The following LINGO2 variants were observed in gnomAD, a reference collection of about 807,000 sequenced individuals.
LINGO2 encodes the protein leucine-rich repeat and immunoglobulin-like domain-containing nogo receptor-interacting protein 2.
A neutral mutation model predicts 30.6 loss-of-function variants in LINGO2; 14 were observed. The observed-to-expected ratio is 0.46, with a 90% CI of 0.30 to 0.72. The LOEUF (loss-of-function observed/expected upper bound fraction) is 0.72. LINGO2 is among the 30% of genes least tolerant of loss of function. LINGO2 has a pLI of 0.07. For synonymous variants in LINGO2, 317 were observed against 288.5 expected (o/e 1.10, Z -1.00); for missense variants, 729 against 751.7 (o/e 0.97, Z 0.35).
the LINGO2 span, among the ~76,000 whole-genome samples, chr9:28,850,760 T>C: frequency 6.6e-6 from 1 of 152,004 alleles, no homozygotes; most frequent in African/African-American, 2.4e-5. Context: ...TAACCTACCC[T>C]ACTCTAATAG....
the LINGO2 span, among the ~76,000 whole-genome samples, chr9:29,155,876 C>T: frequency 6.6e-6 from 1 of 151,884 alleles, no homozygotes; most frequent in African/African-American, 2.4e-5. Flanking sequence ...AATTCATCTC[C>T]GTGATGTTAA....
At chr9:28,990,468 TA>T in the LINGO2 span, among the ~76,000 whole-genome samples, 1 of 152,136 alleles carries the variant, frequency 6.6e-6, no homozygotes, top group Non-Finnish European at 1.5e-5. Flanking sequence ...TCTGCAGACT[TA>T]AATGTCCCTG....
At chr9:28,620,913 C>T (rs967198162) in intron 1 of LINGO2, among the ~76,000 whole-genome samples, 1 of 152,002 alleles carries the variant, frequency 6.6e-6, no homozygotes, top group African/African-American at 2.4e-5. Flanking sequence ...ATAATCTGTA[C>T]AACAAACCCC....
At chr9:28,064,530 C>T (rs752528157) in intron 4 of LINGO2, among the ~76,000 whole-genome samples, 3 of 152,128 alleles carry the variant, frequency 2.0e-5, no homozygotes, top group African/African-American at 7.2e-5. Flanking sequence ...ACGGGACTTT[C>T]TCCAGTAAGT....
chr9:28,172,718 A>G (rs990592169), intron 4 of LINGO2, among the ~76,000 whole-genome samples: 1 of 152,136 alleles, frequency 6.6e-6, no homozygotes, highest in Non-Finnish European at 1.5e-5. Flanking sequence ...CATTGTCCTT[A>G]AGTAAAATTT....
chr9:28,204,334 T>G (rs1478345458), intron 4 of LINGO2, among the ~76,000 whole-genome samples: 2 of 152,224 alleles, frequency 1.3e-5, no homozygotes, highest in Non-Finnish European at 2.9e-5. Context: ...GATTAATTAA[T>G]TACTAATACG....
rs550291400 is a variant in LINGO2 at position 28,183,793 on chromosome 9, T to C, written c.-87+111415A>G. Among the ~76,000 whole-genome samples the C allele has an allele frequency of 2.0e-5, 3 of 152,296 alleles. No individual in the cohort carries two copies. In the East Asian group the frequency reaches 5.8e-4, roughly 29 times the overall value. On this transcript the variant is annotated intron_variant, in intron 4 of 5. Coordinates refer to ENST00000379992, the Ensembl canonical transcript of LINGO2. ...GTAGGCATGAGCTTGTGTAAACATA[T>C]GCTATTTTGGAAGGCCATAGCTAAG...
the LINGO2 span, among the ~76,000 whole-genome samples, chr9:28,894,371 G>A: frequency 2.0e-5 from 3 of 151,796 alleles, no homozygotes; most frequent in Admixed American, 1.3e-4. Context: ...ACAACAATTC[G>A]CTTCAAGCTT....
At chr9:27,978,880 C>T (rs1000611736) in intron 5 of LINGO2, among the ~76,000 whole-genome samples, 3 of 152,116 alleles carry the variant, frequency 2.0e-5, no homozygotes, top group South Asian at 2.1e-4. Context: ...TTTGGACCAT[C>T]GGATTGATAT....
chr9:28,053,444 C>T (rs1436065955), intron 4 of LINGO2, among the ~76,000 whole-genome samples: 5 of 152,006 alleles, frequency 3.3e-5, no homozygotes, highest in Non-Finnish European at 5.9e-5. Context: ...TAATTGTATA[C>T]GAATAAATGG....
chr9:28,009,141 G>GTTT (rs59012553), intron 5 of LINGO2, among the ~76,000 whole-genome samples: 17,334 of 150,130 alleles, frequency 0.12, 1,092 homozygotes, highest in South Asian at 0.2. Flanking sequence ...AAAGGGAAAA[G>GTTT]TTTTTTTTTT....
At chr9:28,903,476 T>C in the LINGO2 span, among the ~76,000 whole-genome samples, 4 of 152,106 alleles carry the variant, frequency 2.6e-5, no homozygotes, top group Non-Finnish European at 5.9e-5. Context: ...CATCCATCCA[T>C]TCATTCATTC....
intron 1 of LINGO2, among the ~76,000 whole-genome samples, chr9:28,611,816 T>A (rs574712878): frequency 1.3e-5 from 2 of 151,252 alleles, no homozygotes; most frequent in South Asian, 4.2e-4. Context: ...TATTTTATTT[T>A]ATTTATTTAT....
the LINGO2 span, among the ~76,000 whole-genome samples, chr9:29,029,904 C>G: frequency 1.3e-5 from 2 of 151,516 alleles, no homozygotes; most frequent in Non-Finnish European, 2.9e-5. Context: ...ACATTCCACG[C>G]TCATTTCACA....
intron 1 of LINGO2, among the ~76,000 whole-genome samples, chr9:28,598,370 A>G (rs1825292427): frequency 6.6e-6 from 1 of 151,756 alleles, no homozygotes; most frequent in African/African-American, 2.4e-5. Flanking sequence ...ATTGTATATC[A>G]ATAAAGGAGT....
At chr9:28,796,983 G>T in the LINGO2 span, among the ~76,000 whole-genome samples, 11 of 151,624 alleles carry the variant, frequency 7.3e-5, no homozygotes, top group African/African-American at 2.2e-4. Context: ...ACATCTTTAT[G>T]TATAAATTAA....
intron 2 of LINGO2, among the ~76,000 whole-genome samples, chr9:28,403,092 G>T (rs1408072643): frequency 6.6e-6 from 1 of 152,124 alleles, no homozygotes; most frequent in Admixed American, 6.5e-5. Context: ...TTGATAATTA[G>T]TCAACTGTAG....
At chr9:28,177,199 C>A (rs1828774184) in intron 4 of LINGO2, among the ~76,000 whole-genome samples, 1 of 152,064 alleles carries the variant, frequency 6.6e-6, no homozygotes. Context: ...TGGATAAAAT[C>A]ATAGATGGCT....
intron 4 of LINGO2, among the ~76,000 whole-genome samples, chr9:28,282,769 A>G (rs1823373752): frequency 6.6e-6 from 1 of 152,084 alleles, no homozygotes; most frequent in Admixed American, 6.6e-5. Flanking sequence ...TGGCTAGGAA[A>G]TTATTTGATG....
Sources: allele counts gnomAD v4.1 joint callset (sites outside exome capture counted in the v4.1 genomes callset), GRCh38; gene constraint gnomAD v4.1.1; transcripts MANE v1.5; gene names NCBI Gene and HGNC (gene_info 2026-07-23, HGNC 2026-07-21).